The following ZCCHC8 variants were observed in gnomAD, a reference collection of about 807,000 sequenced individuals.
ZCCHC8 encodes the protein zinc finger CCHC-type containing 8, also known as zinc finger CCHC domain-containing protein 8.
In ZCCHC8, 27 loss-of-function variants were observed where a neutral mutation model predicts 70.6. That is an observed-to-expected ratio of 0.38 (90% CI 0.28 to 0.53). The LOEUF (loss-of-function observed/expected upper bound fraction) is 0.53, where lower values mean the gene tolerates loss of function less well. Ranked by LOEUF, ZCCHC8 falls within the 20% of genes least tolerant of loss-of-function variation. The pLI is 0.81. For synonymous variants in ZCCHC8, 293 were observed against 317.4 expected (o/e 0.92, Z 0.82); for missense variants, 737 against 876.9 (o/e 0.84, Z 2.01).
intron 2 of ZCCHC8, among the ~76,000 whole-genome samples, chr12:122,493,020 A>G (rs1268291482): frequency 1.3e-5 from 2 of 151,852 alleles, no homozygotes; most frequent in African/African-American, 4.8e-5. Flanking sequence ...GGTGCATACC[A>G]CCACATCCAG....
intron 10 of ZCCHC8, 159 bp from the exon 11 acceptor site, chr12:122,480,470 G>C: frequency 1.3e-5 from 6 of 466,708 alleles, no homozygotes; most frequent in South Asian, 4.4e-5. Flanking sequence ...CATTAGGACA[G>C]AACTTTTTTT....
At chr12:122,498,933 ACTT>A in intron 1 of ZCCHC8, 64 bp from the exon 2 acceptor site, 1 of 1,393,642 alleles carries the variant, frequency 7.2e-7, no homozygotes, top group Non-Finnish European at 1.0e-6. Context: ...TTCAACTACT[ACTT>A]CTCTCACTTT....
intron 5 of ZCCHC8, among the ~76,000 whole-genome samples, chr12:122,487,355 C>T (rs1217430040): frequency 6.6e-6 from 1 of 152,166 alleles, no homozygotes. Context: ...AATTAATAAA[C>T]AAAATTCCCA....
At chr12:122,491,140 C>T (rs1009264670) in intron 3 of ZCCHC8, 1 of 152,450 alleles carries the variant, frequency 6.6e-6, no homozygotes, top group African/African-American at 2.4e-5. Context: ...CCAAGCTCAT[C>T]ATATATTCGG....
intron 11 of ZCCHC8, 30 bp from the exon 12 acceptor site, chr12:122,478,322 AC>A: frequency 6.7e-7 from 1 of 1,483,898 alleles, no homozygotes; most frequent in Non-Finnish European, 9.2e-7. Flanking sequence ...GAAAAAAAAA[AC>A]ACATGTATTT....
At chr12:122,484,560 A>T (rs1957599204) in intron 5 of ZCCHC8, among the ~76,000 whole-genome samples, 1 of 150,646 alleles carries the variant, frequency 6.6e-6, no homozygotes, top group East Asian at 2.0e-4. Context: ...CACTACACAC[A>T]GCTAATTTTT....
chr12:122,477,952 C>T lies in ZCCHC8; in HGVS notation c.1234G>A (p.Val412Met), dbSNP rs750790473. 1 of 1,612,552 alleles carries T rather than the reference C, an allele frequency of 6.2e-7. No homozygotes were observed. The highest frequency in any genetic ancestry group is 1.6e-4 in the Middle Eastern group (1 of 6,062). The change falls in exon 13 of 14, where the codon GTG (valine) becomes ATG (methionine). Residue 412 changes from valine to methionine, a missense_variant. Coordinates refer to ENST00000633063, the MANE Select transcript of ZCCHC8 (RefSeq NM_017612.5). ...YLTSNFQAPGVKSGNKRSSSH... is the reference protein window; with the variant it reads ...YLTSNFQAPGMKSGNKRSSSH... ...GAAGACCTCTTGTTGCCAGACTTCA[C>T]ACCTGGCTAAAAGAGCAACCAGACC...
intron 13 of ZCCHC8, among the ~76,000 whole-genome samples, chr12:122,476,088 T>A (rs1957411999): frequency 6.6e-6 from 1 of 152,250 alleles, no homozygotes; most frequent in Non-Finnish European, 1.5e-5. Context: ...AACTGCTCTG[T>A]GGCAGCAATA....
intron 13 of ZCCHC8, 25 bp from the exon 14 acceptor site, chr12:122,474,300 CTTTAG>C: frequency 7.4e-6 from 10 of 1,360,352 alleles, no homozygotes; most frequent in Non-Finnish European, 8.6e-6. Flanking sequence ...TTAAGAGATA[CTTTAG>C]AACTTATAAT....
chr12:122,474,162 G>A lies in ZCCHC8; in HGVS notation c.1459C>T (p.Pro487Ser), dbSNP rs772289483. The A allele has an allele frequency of 4.0e-6, 6 of 1,515,838 alleles. No individual in the cohort carries two copies. Among genetic ancestry groups the A allele is most frequent in the East Asian group, 2.3e-5 (1 of 43,226 alleles). The allele number at this position is 1,515,838 out of a possible 1,614,324, so 93.9% of individuals were successfully genotyped here. Residue 487 changes from proline to serine, a missense_variant, in exon 14 of 14, where the codon CCA becomes TCA. Physicochemically the swap from Pro to Ser is moderately conservative, Grantham distance 74. Coordinates refer to ENST00000633063, the MANE Select transcript of ZCCHC8 (RefSeq NM_017612.5). ...AGCGGCGGGGTGCCCTTTGGGAGTG[G>A]AGGGGTGAAGACGGGTGGAGGAGTT... ...RGTPPPVFTPPLPKGTPPLTP... is the reference protein window; with the variant it reads ...RGTPPPVFTPSLPKGTPPLTP...
chr12:122,482,177 A>G (rs1248363142), intron 8 of ZCCHC8, 90 bp from the exon 9 acceptor site: 2 of 1,356,512 alleles, frequency 1.5e-6, no homozygotes, highest in Non-Finnish European at 1.9e-6. Context: ...TAGATCAAGT[A>G]AACAGATTAT....
rs1394829151 is a variant in ZCCHC8, at chr12:122,473,497, T to C, written c.2124A>G (p.Ter708=). 3 of 1,612,616 alleles carry C rather than the reference T, an allele frequency of 1.9e-6. No individual in the cohort carries two copies. Among genetic ancestry groups the C allele is most frequent in the East Asian group, 2.2e-5 (1 of 44,896 alleles). ...NQQKNKKASE[*] ...TAGCTCTCAGTGCTAAGTCAAGCCA[T>C]TATTCAGAGGCCTTTTTGTTTTTCT... Residue 708 remains the stop codon, a stop_retained_variant, in exon 14 of 14, where the codon TAA becomes TAG. Transcript: ENST00000633063.
At chr12:122,498,800 T>C in intron 2 of ZCCHC8, 27 bp downstream of exon 2, 9 of 1,607,610 alleles carry the variant, frequency 5.6e-6, no homozygotes, top group Non-Finnish European at 6.0e-6. Context: ...AAGGGACAAC[T>C]ATGGAGTAAT....
rs190395818 is a variant in ZCCHC8, at chr12:122,482,091, C to T, written c.733-4G>A. 1.7e-5 allele frequency: 27 copies of T among 1,594,082 alleles called. 1 individual carries two copies. In the Admixed American group the frequency reaches 3.6e-4, roughly 21 times the overall value. On this transcript the variant is annotated splice_polypyrimidine_tract_variant and splice_region_variant and intron_variant, in intron 8 of 13. Transcript: ENST00000633063. ...TTATTCGAGCAGCATTCCGAGGCTA[C>T]ATCATGACACATTTGAAAAGAATGG...
At chr12:122,496,285 T>A (rs1358328451) in intron 2 of ZCCHC8, among the ~76,000 whole-genome samples, 1 of 152,216 alleles carries the variant, frequency 6.6e-6, no homozygotes, top group Non-Finnish European at 1.5e-5. Context: ...TAATTTGTCC[T>A]TTTTCCTTGG....
chr12:122,490,029 T>G (rs1187533340), intron 4 of ZCCHC8, among the ~76,000 whole-genome samples: 2 of 151,778 alleles, frequency 1.3e-5, no homozygotes, highest in African/African-American at 4.8e-5. Flanking sequence ...CCTCTCTCTC[T>G]CTCTCTTTTT....
At chr12:122,497,646 C>CA (rs1250287997) in intron 2 of ZCCHC8, among the ~76,000 whole-genome samples, 1 of 152,142 alleles carries the variant, frequency 6.6e-6, no homozygotes, top group Non-Finnish European at 1.5e-5. Flanking sequence ...TGTACTTTAA[C>CA]AAATACTTTA....
At chr12:122,492,586 C>A in intron 3 of ZCCHC8, 129 bp downstream of exon 3, 1 of 674,874 alleles carries the variant, frequency 1.5e-6, no homozygotes, top group Non-Finnish European at 2.5e-6. Flanking sequence ...ATTCCTTGTA[C>A]TTTAACTCCA....
chr12:122,474,315 T>A, intron 13 of ZCCHC8, 40 bp from the exon 14 acceptor site: 1 of 1,336,714 alleles, frequency 7.5e-7, no homozygotes, highest in African/African-American at 1.5e-5. Context: ...GAACTTATAA[T>A]AGCATTTGGT....
Sources: allele counts gnomAD v4.1 joint callset (sites outside exome capture counted in the v4.1 genomes callset), GRCh38; gene constraint gnomAD v4.1.1; transcripts MANE v1.5; gene names NCBI Gene and HGNC (gene_info 2026-07-23, HGNC 2026-07-21).